MUC5AC: variants seen among roughly 807,000 people sequenced by gnomAD.
MUC5AC encodes the protein mucin-5AC.
A neutral mutation model predicts 169.7 loss-of-function variants in MUC5AC; 158 were observed. That is an observed-to-expected ratio of 0.93 (90% CI 0.82 to 1.06). The LOEUF is 1.06. Among genes scored for constraint, MUC5AC ranks in the 50% least tolerant of loss-of-function variants. The probability of loss-of-function intolerance (pLI) is 0.00; values close to 1 mark genes in which losing one functional copy is unlikely to be tolerated. For synonymous variants in MUC5AC, 1,975 were observed against 1,237.0 expected (o/e 1.60, Z -12.52); for missense variants, 4,359 against 3,089.9 (o/e 1.41, Z -9.74).
At position 1,158,084 on chromosome 11, in the gene MUC5AC, C is replaced by T. The variant is rs1334706849; in HGVS notation, c.73+12C>T. On this transcript the variant is annotated intron_variant, in intron 1 of 48. Transcript: ENST00000621226. ...CACCCGGCATACAGGTACGGCTTGG[C>T]CCCTGGCCGCTCTACTGGTCCTGGG... 3 of 1,590,054 alleles carry T rather than the reference C, an allele frequency of 1.9e-6. No individual in the cohort carries two copies. The highest frequency in any genetic ancestry group is 1.8e-4 in the Middle Eastern group (1 of 5,608).
intron 11 of MUC5AC, 79 bp downstream of exon 11, chr11:1,165,839 TG>T: frequency 6.3e-7 from 1 of 1,578,352 alleles, no homozygotes; most frequent in Non-Finnish European, 8.6e-7. Context: ...CCAGCTTGGC[TG>T]CATGTCACTG....
chr11:1,196,434 C>T lies in MUC5AC; in HGVS notation c.15684C>T (p.Ser5228=). ...ADKVYQPCGP[S]NPSYCYGNDS... ...AGGTGTACCAGCCCTGCGGCCCGAGCAACCCCTCCTACTGCTACGGGAATG... is the reference window on the plus strand; with the variant it reads ...AGGTGTACCAGCCCTGCGGCCCGAGTAACCCCTCCTACTGCTACGGGAATG... Residue 5228 remains serine (S), a synonymous_variant, in exon 38 of 49, where the codon AGC becomes AGT. Coordinates refer to ENST00000621226, the MANE Select transcript of MUC5AC (RefSeq NM_001304359.2). 1.3e-6 allele frequency: 1 copy of T among 765,048 alleles called. No homozygotes were observed. Among genetic ancestry groups the T allele is most frequent in the Non-Finnish European group, 2.4e-6 (1 of 417,824 alleles). The allele number at this position is 765,048 out of a possible 1,614,324, so 47.4% of individuals were successfully genotyped here.
chr11:1,200,375 G>A (rs936973104), intron 48 of MUC5AC, 63 bp from the exon 49 acceptor site: 50 of 628,364 alleles, frequency 8.0e-5, no homozygotes, highest in Non-Finnish European at 5.5e-5. Flanking sequence ...TCGGCACGGC[G>A]CCGGCTTACG....
chr11:1,200,685 G>C lies in MUC5AC; in HGVS notation c.16948G>C (p.Val5650Leu), dbSNP rs1269571414. 1.3e-6 allele frequency: 1 copy of C among 759,354 alleles called. No homozygotes were observed. Among genetic ancestry groups the C allele is most frequent in the African/African-American group, 1.7e-5 (1 of 59,076 alleles). The allele number at this position is 759,354 out of a possible 1,614,324, so 47.0% of individuals were successfully genotyped here. The stretch of plus-strand genomic sequence containing the variant: ...TGGGAGCTGGGAGAGAGGCGTCCCA[G>C]TGTCCCCCATGCACTGACCAGCACT... ...ESGSWERGVPVSPMH is the reference protein window; with the variant it reads ...ESGSWERGVPLSPMH The change falls in exon 49 of 49, where the codon GTG becomes CTG. Residue 5650 changes from valine to leucine, a missense_variant. Val to Leu is a conservative substitution (Grantham distance 32, BLOSUM62 1). Coordinates refer to ENST00000621226, the MANE Select transcript of MUC5AC (RefSeq NM_001304359.2).
In MUC5AC at chr11:1,195,066, T is replaced by G. The variant is rs1419408883; in HGVS notation, c.15245T>G (p.Val5082Gly). The change falls in exon 36 of 49, where the codon GTC becomes GGC. Residue 5082 changes from valine to glycine, a missense_variant. Val to Gly is a moderately radical substitution (Grantham distance 109). Coordinates refer to ENST00000621226, the MANE Select transcript of MUC5AC (RefSeq NM_001304359.2). ...TGCCGCACGCCTAGGGGGACGGTGGTCGCTTCCTGCTCCGAGATGTCCGGC... is the reference window on the plus strand; with the variant it reads ...TGCCGCACGCCTAGGGGGACGGTGGGCGCTTCCTGCTCCGAGATGTCCGGC... ...DECRTPRGTVVASCSEMSGLW... is the reference protein window; with the variant it reads ...DECRTPRGTVGASCSEMSGLW... 1 of 755,084 alleles carries G rather than the reference T, an allele frequency of 1.3e-6. No individual in the cohort carries two copies. Among genetic ancestry groups the G allele is most frequent in the South Asian group, 1.4e-5 (1 of 72,886 alleles). The allele number at this position is 755,084 out of a possible 1,614,324, so 46.8% of individuals were successfully genotyped here. A position where few individuals can be genotyped will look rare whatever the true frequency, so the allele number is the denominator to read the frequency against.
chr11:1,162,706 C>T, intron 5 of MUC5AC, 60 bp downstream of exon 5: 1 of 1,492,096 alleles, frequency 6.7e-7, no homozygotes, highest in Non-Finnish European at 9.3e-7. Flanking sequence ...CGGCCTGCTC[C>T]CACAGCCTCT....
At chr11:1,162,291 C>T in intron 4 of MUC5AC, 123 bp downstream of exon 4, 1 of 1,429,216 alleles carries the variant, frequency 7.0e-7, no homozygotes, top group Non-Finnish European at 9.3e-7. Flanking sequence ...GAGAGCAGAG[C>T]TGGACATGGG....
At chr11:1,160,457 C>G (rs1347043623) in intron 1 of MUC5AC, among the ~76,000 whole-genome samples, 155 bp from the exon 2 acceptor site, 1 of 24,142 alleles carries the variant, frequency 4.1e-5, no homozygotes, top group African/African-American at 6.0e-5. Context: ...CCTCCTAGGA[C>G]CCCCCCAACC....
chr11:1,171,543 AC>A, intron 15 of MUC5AC, among the ~76,000 whole-genome samples: 2 of 129,406 alleles, frequency 1.5e-5, no homozygotes, highest in Admixed American at 7.8e-5. Context: ...CCACTCACTC[AC>A]CTACTCAACC....
chr11:1,180,200 T>C (rs1860784120), intron 27 of MUC5AC, 50 bp downstream of exon 27: 1 of 398,192 alleles, frequency 2.5e-6, no homozygotes, highest in South Asian at 1.3e-4. Flanking sequence ...GCCTGTGGCC[T>C]TCTCCTGGCC....
Position 1,186,804 on chromosome 11 carries a change from G to C in MUC5AC, c.8659G>C (p.Val2887Leu). Residue 2887 changes from valine (V) to leucine (L), a missense_variant, in exon 31 of 49, where the codon GTT (valine) becomes CTT (leucine). Val to Leu is a conservative substitution (Grantham distance 32, BLOSUM62 1). Transcript: ENST00000621226. ...TSGPGTTPSP[V>L]PTTSTTSAPT... ...TGGCCCTGGAACTACTCCCAGCCCT[G>C]TTCCCACCACCAGTACAACCTCTGC... 3 of 742,940 alleles carry C rather than the reference G, an allele frequency of 4.0e-6. No individual in the cohort carries two copies. The highest frequency in any genetic ancestry group is 2.8e-5 in the South Asian group (2 of 71,726). The allele number at this position is 742,940 out of a possible 1,614,324, so 46.0% of individuals were successfully genotyped here. A position where few individuals can be genotyped will look rare whatever the true frequency, so the allele number is the denominator to read the frequency against.
intron 3 of MUC5AC, 41 bp downstream of exon 3, chr11:1,161,627 C>T: frequency 6.3e-7 from 1 of 1,578,800 alleles, no homozygotes; most frequent in Non-Finnish European, 8.6e-7. Context: ...AGGGTCATAG[C>T]TTTGCTGAGC....
Position 1,195,230 on chromosome 11 carries a change from C to CTACCACGGT in MUC5AC, c.15409_15410insTACCACGGT (p.Pro5137delinsLeuProArgSer), listed in dbSNP as rs1861240067. On this transcript the variant is annotated protein_altering_variant, in exon 36 of 49. Transcript: ENST00000621226. The stretch of plus-strand genomic sequence containing the variant: ...GTCTACCACGGTCGGGCCCACCACA[C>CTACCACGGT]CGCCTGCTCCGTGCCTGCCATCACC... 1.3e-6 allele frequency: 1 copy of CTACCACGGT among 759,516 alleles called. No individual in the cohort carries two copies. Among genetic ancestry groups the CTACCACGGT allele is most frequent in the African/African-American group, 1.8e-5 (1 of 56,620 alleles). 47.0% of individuals were successfully genotyped at this position (759,516 alleles called of 1,614,324 possible).
At chr11:1,179,313 G>T in intron 26 of MUC5AC, 65 bp downstream of exon 26, 2 of 455,470 alleles carry the variant, frequency 4.4e-6, no homozygotes, top group Non-Finnish European at 3.8e-6. Flanking sequence ...CACCACACTC[G>T]CCGCTGATGC....
At position 1,187,468 on chromosome 11, in the gene MUC5AC, C is replaced by A. The variant is rs1176704967; in HGVS notation, c.9323C>A (p.Thr3108Lys). The A allele has an allele frequency of 1.4e-6, 1 of 732,822 alleles. No individual in the cohort carries two copies. The allele number at this position is 732,822 out of a possible 1,614,324, so 45.4% of individuals were successfully genotyped here. The change falls in exon 31 of 49, where the codon ACA becomes AAA. Residue 3108 changes from threonine (T) to lysine (K), a missense_variant. By Grantham distance (78) the Thr-to-Lys change is moderately conservative. Transcript: ENST00000621226. ...ACAACGTCTGCTCCTACAACCAGCA[C>A]AACCTCTGCCTCTACAGCCAGCAAA... ...TSTTSAPTTSTTSASTASKTS... is the reference protein window; with the variant it reads ...TSTTSAPTTSKTSASTASKTS...
In MUC5AC at chr11:1,200,906, A is replaced by C; in HGVS notation, c.*204A>C. The stretch of plus-strand genomic sequence containing the variant: ...GCCCTTACCCACCCCGCCTGCAGCC[A>C]CCTCTCAGGACCAGCCCCGGGGCTG... On this transcript the variant is annotated 3_prime_UTR_variant, in exon 49 of 49. Transcript: ENST00000621226. 2 of 466,102 alleles carry C rather than the reference A, an allele frequency of 4.3e-6. No individual in the cohort carries two copies. Among genetic ancestry groups the C allele is most frequent in the South Asian group, 5.0e-5 (1 of 20,130 alleles). 28.9% of individuals were successfully genotyped at this position (466,102 alleles called of 1,614,324 possible).
intron 10 of MUC5AC, 38 bp downstream of exon 10, chr11:1,165,457 C>A: frequency 6.2e-7 from 1 of 1,600,292 alleles, no homozygotes; most frequent in South Asian, 1.1e-5. Context: ...CAAGGATGTG[C>A]TATGGGACAG....
chr11:1,187,884 GA>G lies in MUC5AC; in HGVS notation c.9742del (p.Thr3248ProfsTer32). ...CCCTGGACCCCACGGCGGGGACAAG[GA>G]AACCTACAACAACATCATCAGGAGT... ...PSPGPHGGDK[E>X]TYNNIIRSGE... On this transcript the variant is annotated frameshift_variant, in exon 31 of 49. Coordinates refer to ENST00000621226, the MANE Select transcript of MUC5AC (RefSeq NM_001304359.2). LOFTEE classifies it high-confidence loss of function. The G allele has an allele frequency of 2.6e-6, 2 of 761,586 alleles. No homozygotes were observed. The highest frequency in any genetic ancestry group is 2.7e-5 in the South Asian group (2 of 74,242). 47.2% of individuals were successfully genotyped at this position (761,586 alleles called of 1,614,324 possible).
At position 1,185,248 on chromosome 11, in the gene MUC5AC, C is replaced by T; in HGVS notation, c.7103C>T (p.Pro2368Leu). The change falls in exon 31 of 49, where the codon CCT becomes CTT. Residue 2368 changes from proline (P) to leucine (L), a missense_variant. Coordinates refer to ENST00000621226, the MANE Select transcript of MUC5AC (RefSeq NM_001304359.2). ...SAPTTSTTSA[P>L]TTSTTSARTS... Reference sequence around the variant, plus strand: ...CCTACAACCAGCACAACCTCTGCTCCTACAACCAGCACAACCTCTGCCCGT... The same window carrying T: ...CCTACAACCAGCACAACCTCTGCTCTTACAACCAGCACAACCTCTGCCCGT... 1 of 712,146 alleles carries T rather than the reference C, an allele frequency of 1.4e-6. No homozygotes were observed. Among genetic ancestry groups the T allele is most frequent in the Non-Finnish European group, 2.6e-6 (1 of 391,702 alleles). 44.1% of individuals were successfully genotyped at this position (712,146 alleles called of 1,614,324 possible). A position where few individuals can be genotyped will look rare whatever the true frequency, so the allele number is the denominator to read the frequency against.
Sources: allele counts gnomAD v4.1 joint callset (sites outside exome capture counted in the v4.1 genomes callset), GRCh38; gene constraint gnomAD v4.1.1; transcripts MANE v1.5; gene names NCBI Gene and HGNC (gene_info 2026-07-23, HGNC 2026-07-21).